Variants in MMP12 observed in about 807,000 individuals in gnomAD.
MMP12 encodes the protein matrix metallopeptidase 12.
MMP12 carries 51 observed loss-of-function variants against 45.2 expected under a neutral mutation model. The observed-to-expected ratio is 1.13, with a 90% CI of 0.90 to 1.42. The LOEUF (loss-of-function observed/expected upper bound fraction) is 1.42. MMP12 is among the 40% of genes most tolerant of loss of function. The pLI is 0.00. For missense variants in MMP12, 530 were observed against 570.8 expected, an observed-to-expected ratio of 0.93 and a Z score of 0.73; for synonymous variants, 210 against 193.3, an observed-to-expected ratio of 1.09 and a Z score of -0.72.
intron 2 of MMP12, 130 bp downstream of exon 2, chr11:102,872,735 A>C: frequency 5.1e-6 from 5 of 979,310 alleles, no homozygotes; most frequent in Non-Finnish European, 7.3e-6. Context: ...GAATTTTAGC[A>C]GAGATAGCAT....
chr11:102,863,306 T>C, intron 9 of MMP12, 106 bp from the exon 10 acceptor site: 1 of 667,850 alleles, frequency 1.5e-6, no homozygotes. Context: ...ATAGATGACC[T>C]ATGGGCTGTG....
intron 3 of MMP12, 38 bp from the exon 4 acceptor site, chr11:102,871,757 T>G: frequency 6.2e-7 from 1 of 1,613,048 alleles, no homozygotes. Flanking sequence ...CTTCTATACA[T>G]CCTATAGATC....
chr11:102,872,361 G>A (rs1401387561), intron 2 of MMP12, among the ~76,000 whole-genome samples: 3 of 150,468 alleles, frequency 2.0e-5, no homozygotes, highest in Non-Finnish European at 4.4e-5. Flanking sequence ...TTTTTTTTGA[G>A]ATGGAGTCTC....
chr11:102,874,769 T>C, intron 1 of MMP12, 67 bp downstream of exon 1: 2 of 1,043,046 alleles, frequency 1.9e-6, no homozygotes, highest in Non-Finnish European at 2.9e-6. Context: ...ACAAACAAAC[T>C]GGTTAATGCA....
rs782403217 is a variant in MMP12, at chr11:102,865,642, A to T, written c.1205+134T>A. 101 of 631,774 alleles carry T rather than the reference A, an allele frequency of 1.6e-4. No individual in the cohort carries two copies. The highest frequency in any genetic ancestry group is 4.3e-5 in the Non-Finnish European group (17 of 397,248). 39.1% of individuals were successfully genotyped at this position (631,774 alleles called of 1,614,324 possible). A position where few individuals can be genotyped will look rare whatever the true frequency, so the allele number is the denominator to read the frequency against. On this transcript the variant is annotated intron_variant, in intron 8 of 9. Transcript: ENST00000571244. This position sits in a 1 kb window ranked among gnomAD's most constrained non-coding sequence, Gnocchi z 4.1. The stretch of plus-strand genomic sequence containing the variant: ...AGTTGACAATAACTATTTCAGTCCT[A>T]TATTCTCTTAATCTCTCTCCCTGGA...
intron 4 of MMP12, among the ~76,000 whole-genome samples, chr11:102,869,752 A>G (rs1859459136): frequency 6.6e-6 from 1 of 151,902 alleles, no homozygotes; most frequent in Admixed American, 6.6e-5. Context: ...CTCTGCCAAA[A>G]AAAAAAAAAA....
chr11:102,871,593 C>A lies in MMP12; in HGVS notation c.625+1G>T, dbSNP rs1452385822. 1 of 1,552,580 alleles carries A rather than the reference C, an allele frequency of 6.4e-7. No individual in the cohort carries two copies. The highest frequency in any genetic ancestry group is 8.7e-7 in the Non-Finnish European group (1 of 1,147,398). On this transcript the variant is annotated splice_donor_variant, in intron 4 of 9. Coordinates refer to ENST00000571244, the MANE Select transcript of MMP12 (RefSeq NM_002426.6). LOFTEE classifies it high-confidence loss of function. The stretch of plus-strand genomic sequence containing the variant: ...TTTGTTTGTTTGTTTGTTTTGCCCA[C>A]CTCCTGAATGTGTAGTCCAGAATTC...
chr11:102,865,688 T>C lies in MMP12; in HGVS notation c.1205+88A>G, dbSNP rs651159. On this transcript the variant is annotated intron_variant, in intron 8 of 9. Transcript: ENST00000571244. This position sits in a 1 kb window ranked among gnomAD's most constrained non-coding sequence, Gnocchi z 4.1. ...CTGGAAGGTCAAGGAGCTTTGGGAA[T>C]TTGCGCAGAAAATGTGCCTTCTAGA... is the stretch of plus-strand genomic sequence containing the variant. 0.065 allele frequency: 71,267 copies of C among 1,104,076 alleles called. 3,618 individuals carry two copies. Among genetic ancestry groups the C allele is most frequent in the African/African-American group, 0.23 (14,609 of 63,352 alleles). The allele number at this position is 1,104,076 out of a possible 1,614,324, so 68.4% of individuals were successfully genotyped here.
At chr11:102,867,823 A>G (rs559793276) in intron 5 of MMP12, 85 bp downstream of exon 5, 1 of 1,377,864 alleles carries the variant, frequency 7.3e-7, no homozygotes, top group South Asian at 1.4e-5. Flanking sequence ...ACAGATATTA[A>G]CGTTTTATCC....
In MMP12 at chr11:102,866,352, A is replaced by T; in HGVS notation, c.1008T>A (p.Tyr336Ter). The change falls in exon 7 of 10, where the codon TAT (tyrosine) becomes TAA (stop). Residue 336 changes from tyrosine (Y) to a stop codon, truncating the protein, a stop_gained. Transcript: ENST00000571244. LOFTEE classifies it high-confidence loss of function. The stretch of plus-strand genomic sequence containing the variant: ...AAACTTGATTTCTGGCTTCAATTTC[A>T]TAAGCAGCTTCAATGCCAGATGGCA... Reference protein sequence around the residue: ...PTLPSGIEAAYEIEARNQVFL... With the variant: ...PTLPSGIEAA 6.3e-7 allele frequency: 1 copy of T among 1,597,016 alleles called. No individual in the cohort carries two copies. The highest frequency in any genetic ancestry group is 8.5e-7 in the Non-Finnish European group (1 of 1,171,564).
Position 102,865,986 on chromosome 11 carries a change from A to G in MMP12, c.1046-51T>C. 7.3e-7 allele frequency: 1 copy of G among 1,369,390 alleles called. No individual in the cohort carries two copies. Among genetic ancestry groups the G allele is most frequent in the Non-Finnish European group, 1.0e-6 (1 of 990,050 alleles). The allele number at this position is 1,369,390 out of a possible 1,614,324, so 84.8% of individuals were successfully genotyped here. A position where few individuals can be genotyped will look rare whatever the true frequency, so the allele number is the denominator to read the frequency against. ...ATTTGAATTATACAGGAAGAGTAAT[A>G]AGAAAATATTGATTTACTATAAACA... is the stretch of plus-strand genomic sequence containing the variant. On this transcript the variant is annotated intron_variant, in intron 7 of 9. Transcript: ENST00000571244. The surrounding 1 kb of genome is among the most constrained non-coding windows in gnomAD (Gnocchi z 4.1).
intron 5 of MMP12, 49 bp from the exon 6 acceptor site, chr11:102,867,442 T>C: frequency 1.9e-6 from 3 of 1,543,858 alleles, no homozygotes; most frequent in Non-Finnish European, 1.7e-6. Flanking sequence ...TGCATTGTAG[T>C]TCAGAGGAGG....
chr11:102,865,063 A>G lies in MMP12; in HGVS notation c.1205+713T>C, dbSNP rs1555008329. On this transcript the variant is annotated intron_variant, in intron 8 of 9. Coordinates refer to ENST00000571244, the MANE Select transcript of MMP12 (RefSeq NM_002426.6). This position sits in a 1 kb window ranked among gnomAD's most constrained non-coding sequence, Gnocchi z 4.1. ...CAAGTTTTGTTTCTCAAACAGAGCT[A>G]AGGGCTGGTGGACAAATTCAAGTCA... Among the ~76,000 whole-genome samples the G allele has an allele frequency of 1.3e-5, 2 of 152,230 alleles. No homozygotes were observed. Among genetic ancestry groups the G allele is most frequent in the African/African-American group, 4.8e-5 (2 of 41,472 alleles).
chr11:102,872,721 A>G lies in MMP12; in HGVS notation c.350+144T>C. ...AGTGAACAATTCTTCCTTCTAGAGAAAATGAATTTTAGCAGAGATAGCATT... is the reference window on the plus strand; with the variant it reads ...AGTGAACAATTCTTCCTTCTAGAGAGAATGAATTTTAGCAGAGATAGCATT... On this transcript the variant is annotated intron_variant, in intron 2 of 9. Transcript: ENST00000571244. 1.2e-5 allele frequency: 11 copies of G among 933,276 alleles called. No individual in the cohort carries two copies. The South Asian group carries it at 1.8e-4, about 15-fold the overall frequency. 57.8% of individuals were successfully genotyped at this position (933,276 alleles called of 1,614,324 possible).
Position 102,865,889 on chromosome 11 carries a change from A to G in MMP12, c.1092T>C (p.Tyr364=). ...LISNLRPEPN[Y]PKSIHSFGFP... ...AACCAAAAGAATGTATGCTCTTGGG[A>G]TAATTTGGCTCTGGTCTTAAATTGC... The change falls in exon 8 of 10, where the codon TAT becomes TAC. Residue 364 remains tyrosine, a synonymous_variant. Transcript: ENST00000571244. The surrounding 1 kb of genome is among the most constrained non-coding windows in gnomAD (Gnocchi z 4.1). 2 of 1,613,024 alleles carry G rather than the reference A, an allele frequency of 1.2e-6. No homozygotes were observed. Among genetic ancestry groups the G allele is most frequent in the African/African-American group, 1.3e-5 (1 of 75,028 alleles).
At chr11:102,872,431 C>T (rs1452061324) in intron 2 of MMP12, among the ~76,000 whole-genome samples, 5 of 152,032 alleles carry the variant, frequency 3.3e-5, no homozygotes, top group Admixed American at 1.3e-4. Context: ...AGCTCCGCCT[C>T]CTGGGTTCAC....
intron 6 of MMP12, 42 bp downstream of exon 6, chr11:102,867,228 G>C: frequency 6.7e-7 from 1 of 1,487,202 alleles, no homozygotes; most frequent in Admixed American, 2.6e-5. Context: ...AAAATTTAAA[G>C]GCAGAAACTT....
chr11:102,874,531 G>A (rs183868966), intron 1 of MMP12, among the ~76,000 whole-genome samples: 151 of 152,310 alleles, frequency 9.9e-4, no homozygotes, highest in African/African-American at 3.3e-3. Flanking sequence ...AATGATTAGT[G>A]TAAAATACCA....
chr11:102,866,578 G>A, intron 6 of MMP12, 130 bp from the exon 7 acceptor site: 2 of 919,770 alleles, frequency 2.2e-6, no homozygotes, highest in Non-Finnish European at 3.3e-6. Flanking sequence ...TTCCATGGAT[G>A]TCTGATGTTC....
Sources: allele counts gnomAD v4.1 joint callset (sites outside exome capture counted in the v4.1 genomes callset), GRCh38; gene constraint gnomAD v4.1.1; non-coding constraint Gnocchi (gnomAD v3.1); transcripts MANE v1.5; gene names NCBI Gene and HGNC (gene_info 2026-07-23, HGNC 2026-07-21).